WWC2: variants seen among roughly 807,000 people sequenced by gnomAD.
The protein encoded by WWC2 is protein WWC2.
A neutral mutation model predicts 138.5 loss-of-function variants in WWC2; 101 were observed. The ratio of observed to expected loss-of-function variants is 0.73; its 90% confidence interval spans 0.62 to 0.86. The LOEUF (loss-of-function observed/expected upper bound fraction) is 0.86, where lower values mean the gene tolerates loss of function less well. Ranked by LOEUF, WWC2 falls within the 40% of genes least tolerant of loss-of-function variation. The pLI, the probability that WWC2 is intolerant of heterozygous loss-of-function variation, is 0.00. For missense variants in WWC2, 1,420 were observed against 1,419.4 expected, an observed-to-expected ratio of 1.00 and a Z score of -0.01; for synonymous variants, 558 against 538.4, an observed-to-expected ratio of 1.04 and a Z score of -0.50.
At chr4:183,171,734 C>T (rs1159277672) in intron 1 of WWC2, among the ~76,000 whole-genome samples, 5 of 152,192 alleles carry the variant, frequency 3.3e-5, no homozygotes, top group African/African-American at 4.8e-5. Context: ...CTACAGTCGA[C>T]CACATTTACA....
chr4:183,290,038 T>C (rs1481126369), intron 21 of WWC2, among the ~76,000 whole-genome samples: 1 of 152,190 alleles, frequency 6.6e-6, no homozygotes, highest in Non-Finnish European at 1.5e-5. Flanking sequence ...GGATTTTCTA[T>C]AGATATCTTT....
At chr4:183,107,467 A>T (rs933326844) in intron 1 of WWC2, among the ~76,000 whole-genome samples, 3 of 151,968 alleles carry the variant, frequency 2.0e-5, no homozygotes, top group Non-Finnish European at 4.4e-5. Context: ...TCTTTTTTTT[A>T]AAAAGTTATT....
chr4:183,117,952 C>T (rs971962412), intron 1 of WWC2, among the ~76,000 whole-genome samples: 6 of 150,050 alleles, frequency 4.0e-5, no homozygotes, highest in African/African-American at 1.5e-4. Flanking sequence ...AGGCTCGTGC[C>T]ACCATGCTCG....
intron 4 of WWC2, among the ~76,000 whole-genome samples, chr4:183,223,836 T>G (rs1735993904): frequency 6.6e-6 from 1 of 152,210 alleles, no homozygotes; most frequent in Non-Finnish European, 1.5e-5. Context: ...GTTCAAGTGA[T>G]TCTCCTGCCT....
At chr4:183,119,497 C>A (rs2152889700) in intron 1 of WWC2, among the ~76,000 whole-genome samples, 1 of 152,296 alleles carries the variant, frequency 6.6e-6, no homozygotes, top group South Asian at 2.1e-4. Flanking sequence ...TGACTTGCTT[C>A]TTAAGGTTTT....
At chr4:183,146,414 T>C (rs1216033774) in intron 1 of WWC2, among the ~76,000 whole-genome samples, 1 of 152,238 alleles carries the variant, frequency 6.6e-6, no homozygotes, top group African/African-American at 2.4e-5. Flanking sequence ...GGGGGTGGAT[T>C]CAGTTATGGT....
chr4:183,270,554 A>G (rs1737666053), intron 15 of WWC2, among the ~76,000 whole-genome samples: 1 of 152,160 alleles, frequency 6.6e-6, no homozygotes, highest in African/African-American at 2.4e-5. Context: ...ACCTGAGGTC[A>G]GGAGTTCGAG....
intron 1 of WWC2, among the ~76,000 whole-genome samples, chr4:183,153,126 A>G (rs1298585757): frequency 6.6e-6 from 1 of 152,072 alleles, no homozygotes; most frequent in Non-Finnish European, 1.5e-5. Flanking sequence ...GCTGGTCTTG[A>G]ACTCCTGGCC....
At chr4:183,191,155 G>A (rs1367136154) in intron 1 of WWC2, among the ~76,000 whole-genome samples, 1 of 152,058 alleles carries the variant, frequency 6.6e-6, no homozygotes, top group Non-Finnish European at 1.5e-5. Context: ...AGACAAGGAG[G>A]TGTCCTAGGG....
chr4:183,108,130 G>A (rs1391600531), intron 1 of WWC2, among the ~76,000 whole-genome samples: 1 of 152,052 alleles, frequency 6.6e-6, no homozygotes, highest in Admixed American at 6.6e-5. Context: ...AAAATGATTT[G>A]ACATGTAAAG....
intron 1 of WWC2, among the ~76,000 whole-genome samples, chr4:183,152,704 G>A (rs1253617348): frequency 1.3e-5 from 2 of 151,768 alleles, no homozygotes; most frequent in Non-Finnish European, 2.9e-5. Context: ...CCAACATGGT[G>A]AAACCTGTCT....
At chr4:183,225,835 T>A (rs2111274942) in intron 4 of WWC2, among the ~76,000 whole-genome samples, 1 of 152,288 alleles carries the variant, frequency 6.6e-6, no homozygotes, top group African/African-American at 2.4e-5. Context: ...TATGCTGTAT[T>A]GGGGTGGGGA....
intron 20 of WWC2, 58 bp downstream of exon 20, chr4:183,286,117 G>C (rs1738241420): frequency 6.8e-7 from 1 of 1,465,782 alleles, no homozygotes; most frequent in South Asian, 1.2e-5. Context: ...ATTGTCACTT[G>C]TGCAGCACAA....
intron 1 of WWC2, among the ~76,000 whole-genome samples, chr4:183,119,390 C>T (rs548473966): frequency 8.7e-4 from 133 of 152,222 alleles, no homozygotes; most frequent in Non-Finnish European, 1.6e-3. Flanking sequence ...AAGAGATGCC[C>T]TTTGTCCTCT....
chr4:183,208,220 A>G (rs1011871395), intron 3 of WWC2, 64 bp downstream of exon 3: 106 of 1,531,236 alleles, frequency 6.9e-5, no homozygotes, highest in Admixed American at 1.5e-4. Flanking sequence ...ACAGAAGACC[A>G]CTTACATTTC....
At chr4:183,262,490 C>T (rs1737359534) in intron 11 of WWC2, among the ~76,000 whole-genome samples, 2 of 152,214 alleles carry the variant, frequency 1.3e-5, no homozygotes, top group Admixed American at 1.3e-4. Context: ...TTGGCCAATT[C>T]AGATATGTAA....
At chr4:183,280,247 T>TG (rs1469120460) in intron 16 of WWC2, among the ~76,000 whole-genome samples, 2 of 147,660 alleles carry the variant, frequency 1.4e-5, no homozygotes, top group African/African-American at 5.0e-5. Context: ...TTTTTTTTTT[T>TG]TTTTTTTGCT....
In WWC2 at chr4:183,320,439, C is replaced by A; in HGVS notation, c.*4710C>A. On this transcript the variant is annotated 3_prime_UTR_variant, in exon 23 of 23. Transcript: ENST00000403733. ...CCAACCAGTAATGCCAAGGTGTGGC[C>A]AAGATTGTGTTTGTGTCCTGTGGGC... 1 of 580,384 alleles carries A rather than the reference C, an allele frequency of 1.7e-6. No homozygotes were observed. The highest frequency in any genetic ancestry group is 3.1e-6 in the Non-Finnish European group (1 of 324,296). The allele number at this position is 580,384 out of a possible 1,614,324, so 36.0% of individuals were successfully genotyped here.
intron 16 of WWC2, among the ~76,000 whole-genome samples, chr4:183,280,140 A>G (rs1738015341): frequency 6.7e-6 from 1 of 149,538 alleles, no homozygotes; most frequent in South Asian, 2.1e-4. Context: ...TACCTGAATC[A>G]TGTGGGGATG....
Sources: gnomAD v4.1 joint callset for allele counts (sites outside exome capture counted in the v4.1 genomes callset) on GRCh38, gnomAD v4.1.1 for gene constraint, MANE v1.5 for transcripts, NCBI Gene and HGNC (gene_info 2026-07-23, HGNC 2026-07-21) for gene names.